C4orf54: variants seen among roughly 807,000 people sequenced by gnomAD.
C4orf54 encodes the protein uncharacterized protein C4orf54.
A neutral mutation model predicts 80.1 loss-of-function variants in C4orf54; 67 were observed. The ratio of observed to expected loss-of-function variants is 0.84; its 90% CI spans 0.69 to 1.03. The LOEUF (loss-of-function observed/expected upper bound fraction) is 1.03, where lower values mean the gene tolerates loss of function less well. Among genes scored for constraint, C4orf54 ranks in the 50% least tolerant of loss-of-function variants. C4orf54 has a pLI of 0.00. For synonymous variants in C4orf54, 1,000 were observed against 917.0 expected (o/e 1.09, Z -1.64); for missense variants, 2,434 against 2,253.5 (o/e 1.08, Z -1.62).
chr4:99,638,149 C>G lies in C4orf54; in HGVS notation c.*3084G>C, dbSNP rs1462754863. 1 of 151,996 alleles carries G rather than the reference C, an allele frequency of 6.6e-6. No homozygotes were observed. Among genetic ancestry groups the G allele is most frequent in the Non-Finnish European group, 1.5e-5 (1 of 67,968 alleles). The allele number at this position is 151,996 out of a possible 1,614,324, so 9.4% of individuals were successfully genotyped here. A position where few individuals can be genotyped will look rare whatever the true frequency, so the allele number is the denominator to read the frequency against. Reference sequence around the variant, plus strand: ...ATAAGGATGTATTAGAAATGCATGTCAATAGTTGAGATTTGTTATAAAGAT... The same window carrying G: ...ATAAGGATGTATTAGAAATGCATGTGAATAGTTGAGATTTGTTATAAAGAT... On this transcript the variant is annotated 3_prime_UTR_variant, in exon 3 of 3. Coordinates refer to ENST00000511828, the MANE Select transcript of C4orf54 (RefSeq NM_001354435.2).
rs1312524091 is a variant in C4orf54, at chr4:99,649,634, T to C, written c.5015A>G (p.Tyr1672Cys). Residue 1672 changes from tyrosine (Y) to cysteine (C), a missense_variant, in exon 2 of 3, where the codon TAT becomes TGT. Coordinates refer to ENST00000511828, the MANE Select transcript of C4orf54 (RefSeq NM_001354435.2). ...AGGGTAAATCATGTAGGTGGGTCCATAAGCCCCAGGACTCAGGGCCAAGGG... is the reference window on the plus strand; with the variant it reads ...AGGGTAAATCATGTAGGTGGGTCCACAAGCCCCAGGACTCAGGGCCAAGGG... ...VPPLALSPGAYGPTYMIYPGF... is the reference protein window; with the variant it reads ...VPPLALSPGACGPTYMIYPGF... The C allele has an allele frequency of 3.0e-5, 46 of 1,536,094 alleles. No individual in the cohort carries two copies. The highest frequency in any genetic ancestry group is 4.0e-5 in the Non-Finnish European group (46 of 1,146,896).
At chr4:99,655,555 G>A (rs1042785003) in intron 1 of C4orf54, among the ~76,000 whole-genome samples, 19 of 152,324 alleles carry the variant, frequency 1.2e-4, no homozygotes, top group Admixed American at 3.9e-4. Context: ...GGGAGATTCA[G>A]AGAGGAAATG....
Position 99,638,069 on chromosome 4 carries a change from T to C in C4orf54, c.*3164A>G, listed in dbSNP as rs1303239690. ...TCTTTTTAAGAGGCAAGGATGATAATGTCAAATTTGAAAATAAGAAAAAGG... is the reference window on the plus strand; with the variant it reads ...TCTTTTTAAGAGGCAAGGATGATAACGTCAAATTTGAAAATAAGAAAAAGG... On this transcript the variant is annotated 3_prime_UTR_variant, in exon 3 of 3. Coordinates refer to ENST00000511828, the MANE Select transcript of C4orf54 (RefSeq NM_001354435.2). 6.6e-6 allele frequency: 1 copy of C among 152,166 alleles called. No individual in the cohort carries two copies. Among genetic ancestry groups the C allele is most frequent in the African/African-American group, 2.4e-5 (1 of 41,454 alleles). 9.4% of individuals were successfully genotyped at this position (152,166 alleles called of 1,614,324 possible). A position where few individuals can be genotyped will look rare whatever the true frequency, so the allele number is the denominator to read the frequency against.
At position 99,654,241 on chromosome 4, in the gene C4orf54, C is replaced by T. The variant is rs17029269; in HGVS notation, c.408G>A (p.Ser136=). 0.05 allele frequency: 76,621 copies of T among 1,536,002 alleles called. 4,209 individuals carry two copies. The highest frequency in any genetic ancestry group is 0.22 in the African/African-American group (16,092 of 73,110). ...TTATGAGCCCTTGCCCAGGTTTCAG[C>T]GACAGGAAGAGACAATGGTGATCGC... ...FPSDHHCLFL[S]LKPGQGLIME... is the part of the protein sequence containing the mutation. The change falls in exon 2 of 3, where the codon TCG becomes TCA. Residue 136 remains serine (S), a synonymous_variant. Transcript: ENST00000511828.
In C4orf54 at chr4:99,649,341, G is replaced by A; in HGVS notation, c.5308C>T (p.Pro1770Ser). 1 of 1,536,108 alleles carries A rather than the reference G, an allele frequency of 6.5e-7. No individual in the cohort carries two copies. The highest frequency in any genetic ancestry group is 8.7e-7 in the Non-Finnish European group (1 of 1,146,900). Reference protein sequence around the residue: ...GKPVISITSQPLGPRIIAPPS... With the variant: ...GKPVISITSQSLGPRIIAPPS... ...GGAGCAATGATCCGTGGCCCCAGGGGCTGCGAAGTAATGCTGATGACAGGC... is the reference window on the plus strand; with the variant it reads ...GGAGCAATGATCCGTGGCCCCAGGGACTGCGAAGTAATGCTGATGACAGGC... The change falls in exon 2 of 3, where the codon CCC becomes TCC. Residue 1770 changes from proline to serine, a missense_variant. Physicochemically the swap from Pro to Ser is moderately conservative, Grantham distance 74. Transcript: ENST00000511828.
At position 99,650,169 on chromosome 4, in the gene C4orf54, C is replaced by A; in HGVS notation, c.4480G>T (p.Gly1494Trp). Reference sequence around the variant, plus strand: ...GTGGCAGCTGAGGAGTTGGGGGGCCCCTCCCTGGAAGCCCCAGGCCTGCTA... The same window carrying A: ...GTGGCAGCTGAGGAGTTGGGGGGCCACTCCCTGGAAGCCCCAGGCCTGCTA... ...LLSRPGASREGPPNSSAATLC... is the reference protein window; with the variant it reads ...LLSRPGASREWPPNSSAATLC... Residue 1494 changes from glycine (G) to tryptophan (W), a missense_variant, in exon 2 of 3, where the codon GGG becomes TGG. Coordinates refer to ENST00000511828, the MANE Select transcript of C4orf54 (RefSeq NM_001354435.2). 2 of 1,535,940 alleles carry A rather than the reference C, an allele frequency of 1.3e-6. No homozygotes were observed. The highest frequency in any genetic ancestry group is 1.7e-6 in the Non-Finnish European group (2 of 1,146,854).
chr4:99,646,706 A>G (rs1726706745), intron 2 of C4orf54, among the ~76,000 whole-genome samples: 2 of 152,210 alleles, frequency 1.3e-5, no homozygotes, highest in South Asian at 4.1e-4. Context: ...ATTTACACAA[A>G]TTCTCATTTG....
At position 99,654,416 on chromosome 4, in the gene C4orf54, G is replaced by A. The variant is rs941170339; in HGVS notation, c.233C>T (p.Ala78Val). 3 of 802,492 alleles carry A rather than the reference G, an allele frequency of 3.7e-6. No individual in the cohort carries two copies. The highest frequency in any genetic ancestry group is 2.0e-5 in the Admixed American group (1 of 50,128). The allele number at this position is 802,492 out of a possible 1,614,324, so 49.7% of individuals were successfully genotyped here. A position where few individuals can be genotyped will look rare whatever the true frequency, so the allele number is the denominator to read the frequency against. Residue 78 changes from alanine (A) to valine (V), a missense_variant, in exon 2 of 3, where the codon GCG becomes GTG. Coordinates refer to ENST00000511828, the MANE Select transcript of C4orf54 (RefSeq NM_001354435.2). Reference protein sequence around the residue: ...RSLPTSLRLAAAPPQGLKNWE... With the variant: ...RSLPTSLRLAVAPPQGLKNWE... ...GTTCTTCAGCCCCTGTGGCGGGGCC[G>A]CAGCAAGCCTGAGGGAGGTGGGAAG...
rs1726938606 is a variant in C4orf54 at position 99,654,269 on chromosome 4, G to C, written c.380C>G (p.Pro127Arg). ...CAGGAAGAGACAATGGTGATCGCTG[G>C]GGAAGTCTTGGGTCCGTCTCTGGCC... ...LRGQRRTQDF[P>R]SDHHCLFLSL... Residue 127 changes from proline to arginine, a missense_variant, in exon 2 of 3, where the codon CCC becomes CGC. Pro to Arg is a moderately radical substitution (Grantham distance 103). Coordinates refer to ENST00000511828, the MANE Select transcript of C4orf54 (RefSeq NM_001354435.2). The C allele has an allele frequency of 2.6e-6, 4 of 1,535,908 alleles. No individual in the cohort carries two copies. The highest frequency in any genetic ancestry group is 3.5e-6 in the Non-Finnish European group (4 of 1,146,832).
chr4:99,652,084 C>G lies in C4orf54; in HGVS notation c.2565G>C (p.Glu855Asp). 1 of 1,536,086 alleles carries G rather than the reference C, an allele frequency of 6.5e-7. No individual in the cohort carries two copies. The highest frequency in any genetic ancestry group is 8.7e-7 in the Non-Finnish European group (1 of 1,146,878). The change falls in exon 2 of 3, where the codon GAG becomes GAC. Residue 855 changes from glutamate to aspartate, a missense_variant. By Grantham distance (45) the Glu-to-Asp change is conservative. Transcript: ENST00000511828. Reference protein sequence around the residue: ...SKETEGARGSERQRERGLQRQ... With the variant: ...SKETEGARGSDRQRERGLQRQ... ...TCTGCAGGCCCCTCTCTCGCTGCCT[C>G]TCGCTCCCGCGGGCGCCCTCCGTCT...
At chr4:99,655,369 A>G (rs1035888064) in intron 1 of C4orf54, among the ~76,000 whole-genome samples, 3 of 152,210 alleles carry the variant, frequency 2.0e-5, no homozygotes, top group Non-Finnish European at 4.4e-5. Context: ...AATCTCAAAA[A>G]AGATCCCTAA....
chr4:99,652,490 A>C lies in C4orf54; in HGVS notation c.2159T>G (p.Val720Gly). The C allele has an allele frequency of 6.5e-7, 1 of 1,535,684 alleles. No individual in the cohort carries two copies. The highest frequency in any genetic ancestry group is 8.7e-7 in the Non-Finnish European group (1 of 1,146,676). The part of the protein sequence containing the change: ...KKSQTKALEF[V>G]VSKVEGEIKH... Reference sequence around the variant, plus strand: ...GATTTCCCCCTCGACTTTGCTGACCACGAACTCCAAGGCCTTGGTCTGAGA... The same window carrying C: ...GATTTCCCCCTCGACTTTGCTGACCCCGAACTCCAAGGCCTTGGTCTGAGA... Residue 720 changes from valine (V) to glycine (G), a missense_variant, in exon 2 of 3, where the codon GTG (valine) becomes GGG (glycine). By Grantham distance (109) the Val-to-Gly change is moderately radical. Coordinates refer to ENST00000511828, the MANE Select transcript of C4orf54 (RefSeq NM_001354435.2).
Position 99,636,693 on chromosome 4 carries a change from C to T in C4orf54, c.*4540G>A, listed in dbSNP as rs1246583883. The T allele has an allele frequency of 6.6e-6, 1 of 152,172 alleles. No individual in the cohort carries two copies. The highest frequency in any genetic ancestry group is 1.5e-5 in the Non-Finnish European group (1 of 68,034). The allele number at this position is 152,172 out of a possible 1,614,324, so 9.4% of individuals were successfully genotyped here. Reference sequence around the variant, plus strand: ...ACAGAATCCTTGTCTAAATAGTTTACTCCATATTCAATGCACTGAAAATGT... The same window carrying T: ...ACAGAATCCTTGTCTAAATAGTTTATTCCATATTCAATGCACTGAAAATGT... On this transcript the variant is annotated 3_prime_UTR_variant, in exon 3 of 3. Coordinates refer to ENST00000511828, the MANE Select transcript of C4orf54 (RefSeq NM_001354435.2).
chr4:99,653,368 G>T lies in C4orf54; in HGVS notation c.1281C>A (p.Asp427Glu). ...TGGTGCTGAGGTAGCAGCTGTTGTC[G>T]TCGTCCTCTTCGGTCAGACTGGTGA... ...GDITSLTEED[D>E]DNSCYLSTTP... The change falls in exon 2 of 3, where the codon GAC (aspartate) becomes GAA (glutamate). Residue 427 changes from aspartate to glutamate, a missense_variant. Coordinates refer to ENST00000511828, the MANE Select transcript of C4orf54 (RefSeq NM_001354435.2). 6.5e-7 allele frequency: 1 copy of T among 1,536,268 alleles called. No homozygotes were observed. The highest frequency in any genetic ancestry group is 2.4e-5 in the East Asian group (1 of 40,906).
In C4orf54 at chr4:99,649,216, GT is replaced by G; in HGVS notation, c.*36+14del. On this transcript the variant is annotated intron_variant, in intron 2 of 2. Transcript: ENST00000511828. Reference sequence around the variant, plus strand: ...TACTCTCTTAAACCTGATTATCAAAGTGAAATTCACTTACCAGCAGTTTTTC... The same window carrying G: ...TACTCTCTTAAACCTGATTATCAAAGGAAATTCACTTACCAGCAGTTTTTC... 6.9e-7 allele frequency: 1 copy of G among 1,451,926 alleles called. No homozygotes were observed. The highest frequency in any genetic ancestry group is 9.0e-7 in the Non-Finnish European group (1 of 1,106,388). The allele number at this position is 1,451,926 out of a possible 1,614,324, so 89.9% of individuals were successfully genotyped here. A position where few individuals can be genotyped will look rare whatever the true frequency, so the allele number is the denominator to read the frequency against.
chr4:99,642,472 G>A lies in C4orf54; in HGVS notation c.*37-1276C>T, dbSNP rs562542841. On this transcript the variant is annotated intron_variant, in intron 2 of 2. Coordinates refer to ENST00000511828, the MANE Select transcript of C4orf54 (RefSeq NM_001354435.2). ...AGTCTGAGAAATGAAGGAGAAATCT[G>A]GTTATACAATCTGCTAGGATCATAT... Among the ~76,000 whole-genome samples, 21 of 152,216 alleles carry A rather than the reference G, an allele frequency of 1.4e-4. No homozygotes were observed. The South Asian group carries it at 4.2e-3, about 30-fold the overall frequency.
chr4:99,644,040 G>A (rs2110248634), intron 2 of C4orf54, among the ~76,000 whole-genome samples: 1 of 152,254 alleles, frequency 6.6e-6, no homozygotes, highest in Non-Finnish European at 1.5e-5. Flanking sequence ...ACAAATAAGA[G>A]AAGAGGGACA....
In C4orf54 at chr4:99,649,617, T is replaced by A. The variant is rs759953078; in HGVS notation, c.5032A>T (p.Ile1678Phe). ...ACGGTAGGCAGAAACCCAGGGTAAA[T>A]CATGTAGGTGGGTCCATAAGCCCCA... ...SPGAYGPTYM[I>F]YPGFLPTVLP... The change falls in exon 2 of 3, where the codon ATT (isoleucine) becomes TTT (phenylalanine). Residue 1678 changes from isoleucine to phenylalanine, a missense_variant. Coordinates refer to ENST00000511828, the MANE Select transcript of C4orf54 (RefSeq NM_001354435.2). 7.4e-5 allele frequency: 114 copies of A among 1,535,992 alleles called. No individual in the cohort carries two copies. The African/African-American group carries it at 1.2e-3, about 16-fold the overall frequency.
Position 99,649,996 on chromosome 4 carries a change from G to C in C4orf54, c.4653C>G (p.Ser1551Arg), listed in dbSNP as rs184880771. ...ETVAAPPGPQ[S>R]PEHPPTTIYH... ...AGATGGTGGTGGGGGGATGCTCGGG[G>C]CTCTGTGGCCCTGGGGGGGCAGCTA... Residue 1551 changes from serine to arginine, a missense_variant, in exon 2 of 3, where the codon AGC becomes AGG. Physicochemically the swap from Ser to Arg is moderately radical, Grantham distance 110. Transcript: ENST00000511828. 365 of 1,535,554 alleles carry C rather than the reference G, an allele frequency of 2.4e-4. No individual in the cohort carries two copies. The African/African-American group carries it at 3.2e-3, about 13-fold the overall frequency.
Sources: gnomAD v4.1 joint callset for allele counts (sites outside exome capture counted in the v4.1 genomes callset) on GRCh38, gnomAD v4.1.1 for gene constraint, MANE v1.5 for transcripts, NCBI Gene and HGNC (gene_info 2026-07-23, HGNC 2026-07-21) for gene names.